The following LPAR1 variants were observed in gnomAD, a reference collection of about 807,000 sequenced individuals.
The protein encoded by LPAR1 is lysophosphatidic acid receptor 1.
LPAR1 carries 5 observed loss-of-function variants against 23.8 expected under a neutral mutation model. The ratio of observed to expected loss-of-function variants is 0.21; its 90% confidence interval spans 0.11 to 0.44. The LOEUF is 0.44. Ranked by LOEUF, LPAR1 falls within the 20% of genes least tolerant of loss-of-function variation. LPAR1 has a pLI of 0.99. For missense variants in LPAR1, 311 were observed against 482.8 expected (o/e 0.64, Z 3.33); for synonymous variants, 160 against 164.7 (o/e 0.97, Z 0.22).
chr9:110,934,181 CAG>C (rs1171053600), intron 5 of LPAR1, among the ~76,000 whole-genome samples: 1 of 152,172 alleles, frequency 6.6e-6, no homozygotes, highest in East Asian at 1.9e-4. Flanking sequence ...TTCAGAGTAA[CAG>C]AATGTGTAGC....
At chr9:111,024,536 G>C (rs756304845) in intron 2 of LPAR1, among the ~76,000 whole-genome samples, 62 of 121,294 alleles carry the variant, frequency 5.1e-4, no homozygotes, top group Non-Finnish European at 9.8e-4. Flanking sequence ...ATGGGAGTGT[G>C]TGTGTGTGTA....
chr9:110,934,463 C>T (rs1360498589), intron 5 of LPAR1: 1 of 152,276 alleles, frequency 6.6e-6, no homozygotes, highest in South Asian at 2.1e-4. Flanking sequence ...TTACAGATTT[C>T]TTTGTTCTTT....
intron 4 of LPAR1, among the ~76,000 whole-genome samples, chr9:110,952,460 T>C (rs1161513645): frequency 6.6e-6 from 1 of 152,004 alleles, no homozygotes; most frequent in African/African-American, 2.4e-5. Flanking sequence ...CCCACCAAAC[T>C]GCATCTACCC....
intron 4 of LPAR1, among the ~76,000 whole-genome samples, chr9:110,949,625 G>C (rs1480912206): frequency 6.6e-6 from 1 of 151,994 alleles, no homozygotes; most frequent in Non-Finnish European, 1.5e-5. Context: ...CAGTTTATTT[G>C]GTTACCCCAT....
At position 111,025,703 on chromosome 9, in the gene LPAR1, C is replaced by T. The variant is rs369334003; in HGVS notation, c.-182+10419G>A. Reference sequence around the variant, plus strand: ...AGTTCTTACATTTAAATCTTTAATCCACCTTCAGTTAATTTTTGTATAAGG... The same window carrying T: ...AGTTCTTACATTTAAATCTTTAATCTACCTTCAGTTAATTTTTGTATAAGG... On this transcript the variant is annotated intron_variant, in intron 2 of 5. Coordinates refer to ENST00000683809, the MANE Select transcript of LPAR1 (RefSeq NM_001351411.2). Among the ~76,000 whole-genome samples, 105 of 152,182 alleles carry T rather than the reference C, an allele frequency of 6.9e-4. No individual in the cohort carries two copies. The Middle Eastern group carries it at 0.014, about 20-fold the overall frequency.
At chr9:110,983,287 T>C (rs796373689) in intron 2 of LPAR1, among the ~76,000 whole-genome samples, 11 of 152,118 alleles carry the variant, frequency 7.2e-5, no homozygotes, top group African/African-American at 2.4e-4. Flanking sequence ...TGAACAGACA[T>C]AAACTAAATT....
chr9:110,977,255 C>G (rs752265952), intron 2 of LPAR1, among the ~76,000 whole-genome samples: 1 of 152,172 alleles, frequency 6.6e-6, no homozygotes, highest in Non-Finnish European at 1.5e-5. Context: ...CACACTAACT[C>G]CTTTAAAAGG....
At chr9:110,888,422 T>C (rs1032874743) in intron 5 of LPAR1, among the ~76,000 whole-genome samples, 2 of 152,184 alleles carry the variant, frequency 1.3e-5, no homozygotes, top group Non-Finnish European at 1.5e-5. Flanking sequence ...GTTCTTTTTT[T>C]CCCCCAATTT....
chr9:110,919,190 A>C (rs551381298), intron 5 of LPAR1, among the ~76,000 whole-genome samples: 1 of 152,286 alleles, frequency 6.6e-6, no homozygotes, highest in African/African-American at 2.4e-5. Context: ...AGAGACTGGA[A>C]GAAGTACAGA....
chr9:110,996,553 G>A (rs1403096153), intron 2 of LPAR1, among the ~76,000 whole-genome samples: 1 of 152,154 alleles, frequency 6.6e-6, no homozygotes, highest in Non-Finnish European at 1.5e-5. Context: ...GGTGCGACCT[G>A]ACCAAGAATT....
intron 2 of LPAR1, among the ~76,000 whole-genome samples, chr9:110,976,388 C>T (rs1043048561): frequency 1.3e-5 from 2 of 151,838 alleles, no homozygotes; most frequent in African/African-American, 4.8e-5. Flanking sequence ...CGCCTGTAAT[C>T]CCAGCTACTC....
intron 5 of LPAR1, among the ~76,000 whole-genome samples, chr9:110,907,381 G>A (rs1364005197): frequency 3.9e-5 from 6 of 152,000 alleles, no homozygotes; most frequent in Non-Finnish European, 5.9e-5. Flanking sequence ...GGTCTTTAAT[G>A]GAACAGACTC....
chr9:110,950,463 T>TAAAA (rs56274036), intron 4 of LPAR1, among the ~76,000 whole-genome samples: 1 of 122,028 alleles, frequency 8.2e-6, no homozygotes, highest in Non-Finnish European at 1.7e-5. Context: ...AGACTCTGTC[T>TAAAA]AAAAAAAAAA....
chr9:110,895,609 A>G (rs1019224356), intron 5 of LPAR1, among the ~76,000 whole-genome samples: 4 of 152,056 alleles, frequency 2.6e-5, no homozygotes, highest in African/African-American at 9.7e-5. Flanking sequence ...TCATATTTCT[A>G]TTTTTCACAG....
intron 4 of LPAR1, among the ~76,000 whole-genome samples, chr9:110,960,552 A>G (rs2095928671): frequency 6.6e-6 from 1 of 152,168 alleles, no homozygotes; most frequent in Non-Finnish European, 1.5e-5. Flanking sequence ...TGAAGAAATT[A>G]CATCGAAATG....
At chr9:110,965,029 C>A (rs1450810933) in intron 4 of LPAR1, among the ~76,000 whole-genome samples, 1 of 151,990 alleles carries the variant, frequency 6.6e-6, no homozygotes. Flanking sequence ...CGCCACCACA[C>A]CCAGCTGATT....
chr9:110,967,159 C>A (rs2096253949), intron 4 of LPAR1, among the ~76,000 whole-genome samples: 1 of 152,186 alleles, frequency 6.6e-6, no homozygotes, highest in Non-Finnish European at 1.5e-5. Context: ...ACAAACACGG[C>A]ATCTTCTTGC....
intron 5 of LPAR1, among the ~76,000 whole-genome samples, chr9:110,891,106 A>G: frequency 6.6e-6 from 1 of 152,346 alleles, no homozygotes; most frequent in African/African-American, 2.4e-5. Flanking sequence ...ACAATTGAAA[A>G]TAAGTTGTCC....
chr9:110,979,132 A>G (rs955033170), intron 2 of LPAR1, among the ~76,000 whole-genome samples: 2 of 152,152 alleles, frequency 1.3e-5, no homozygotes, highest in African/African-American at 4.8e-5. Context: ...GAGGTAATGC[A>G]TTTGTTAATT....
Sources: allele counts gnomAD v4.1 joint callset (sites outside exome capture counted in the v4.1 genomes callset), GRCh38; gene constraint gnomAD v4.1.1; transcripts MANE v1.5; gene names NCBI Gene and HGNC (gene_info 2026-07-23, HGNC 2026-07-21).